The following IGF1R variants were observed in gnomAD, a reference collection of about 807,000 sequenced individuals.
IGF1R encodes the protein insulin-like growth factor 1 receptor.
In IGF1R, 44 loss-of-function variants were observed where a neutral mutation model predicts 144.6. The ratio of observed to expected loss-of-function variants is 0.30; its 90% CI spans 0.24 to 0.39. IGF1R has a LOEUF of 0.39. Among genes scored for constraint, IGF1R ranks in the 10% least tolerant of loss-of-function variants. The probability of loss-of-function intolerance (pLI) is 1.00; values close to 1 mark genes in which losing one functional copy is unlikely to be tolerated. For synonymous variants in IGF1R, 795 were observed against 722.8 expected, an observed-to-expected ratio of 1.10 and a Z score of -1.60; for missense variants, 1,355 against 1,833.7, an observed-to-expected ratio of 0.74 and a Z score of 4.77.
At chr15:98,835,077 C>T (rs2057069836) in intron 2 of IGF1R, among the ~76,000 whole-genome samples, 1 of 72,918 alleles carries the variant, frequency 1.4e-5, no homozygotes, top group Admixed American at 1.7e-4. Flanking sequence ...AGAACACCCC[C>T]CCTACACACA....
chr15:98,851,310 C>T (rs571734587), intron 2 of IGF1R, among the ~76,000 whole-genome samples: 5 of 152,276 alleles, frequency 3.3e-5, no homozygotes, highest in Admixed American at 1.3e-4. Context: ...CAGAGAGGCC[C>T]CCCAGGTGGC....
At chr15:98,835,080 T>TACACACACACACACACACACACACAC (rs34443123) in intron 2 of IGF1R, among the ~76,000 whole-genome samples, 2 of 130,440 alleles carry the variant, frequency 1.5e-5, no homozygotes, top group African/African-American at 6.5e-5. Flanking sequence ...ACACCCCCCC[T>TACACACACACACACACACACACACAC]ACACACACAC....
At chr15:98,695,056 G>T (rs1386267606) in intron 1 of IGF1R, among the ~76,000 whole-genome samples, 1 of 152,138 alleles carries the variant, frequency 6.6e-6, no homozygotes, top group Non-Finnish European at 1.5e-5. Context: ...GTTAGATTGT[G>T]TTTTCTGTCT....
chr15:98,898,678 C>A (rs139767871), intron 4 of IGF1R, among the ~76,000 whole-genome samples: 44 of 152,236 alleles, frequency 2.9e-4, no homozygotes, highest in African/African-American at 9.2e-4. Context: ...TCATAAATTA[C>A]GCACAGTAAA....
chr15:98,879,094 G>A (rs1053016275), intron 2 of IGF1R, among the ~76,000 whole-genome samples: 5 of 152,164 alleles, frequency 3.3e-5, no homozygotes, highest in East Asian at 1.9e-4. Context: ...CCAGAACGCC[G>A]AAGCAGGGCC....
At chr15:98,937,667 A>G (rs373500743) in intron 17 of IGF1R, among the ~76,000 whole-genome samples, 26 of 152,320 alleles carry the variant, frequency 1.7e-4, no homozygotes, top group Admixed American at 3.9e-4. Context: ...AGCTCTAACC[A>G]AATTAAAGGA....
At chr15:98,952,567 C>T (rs2016821688) in intron 20 of IGF1R, among the ~76,000 whole-genome samples, 1 of 152,152 alleles carries the variant, frequency 6.6e-6, no homozygotes, top group Non-Finnish European at 1.5e-5. Context: ...AGTTCTGCTT[C>T]TGTGGTTTAG....
At chr15:98,696,400 G>C (rs1332657305) in intron 1 of IGF1R, among the ~76,000 whole-genome samples, 1 of 151,982 alleles carries the variant, frequency 6.6e-6, no homozygotes, top group Non-Finnish European at 1.5e-5. Flanking sequence ...CACTTTGTAG[G>C]GTAAATTGAA....
At chr15:98,733,740 C>G (rs986406919) in intron 2 of IGF1R, among the ~76,000 whole-genome samples, 1 of 152,164 alleles carries the variant, frequency 6.6e-6, no homozygotes. Flanking sequence ...GAACATGGGA[C>G]TGTTTGCAAG....
At chr15:98,689,808 C>T (rs1000996138) in intron 1 of IGF1R, among the ~76,000 whole-genome samples, 4 of 152,106 alleles carry the variant, frequency 2.6e-5, no homozygotes, top group African/African-American at 9.7e-5. Context: ...GAGATACCAG[C>T]GTTTCAGCCA....
chr15:98,706,999 A>G lies in IGF1R; in HGVS notation c.95-563A>G, dbSNP rs76123744. Among the ~76,000 whole-genome samples, 827 of 152,228 alleles carry G rather than the reference A, an allele frequency of 5.4e-3. 9 individuals carry two copies. The highest frequency in any genetic ancestry group is 0.019 in the African/African-American group (780 of 41,518). On this transcript the variant is annotated intron_variant, in intron 1 of 20. Transcript: ENST00000650285. The stretch of plus-strand genomic sequence containing the variant: ...TGCACGTGTGGAGAGAACACAGTCT[A>G]CTCGGCTTATGTCAAATGGTAGTGG...
Position 98,649,505 on chromosome 15 carries a change from TC to T in IGF1R, c.-75del, listed in dbSNP as rs1312838112. 3 of 1,022,474 alleles carry T rather than the reference TC, an allele frequency of 2.9e-6. No homozygotes were observed. Among genetic ancestry groups the T allele is most frequent in the Non-Finnish European group, 4.4e-6 (3 of 679,406 alleles). 63.3% of individuals were successfully genotyped at this position (1,022,474 alleles called of 1,614,324 possible). On this transcript the variant is annotated 5_prime_UTR_variant, in exon 1 of 21. Coordinates refer to ENST00000650285, the MANE Select transcript of IGF1R (RefSeq NM_000875.5). ...AGTTTGAGACTTGTTTCCTTTCATT[TC>T]CTTTTTTTCTTTTCTTTTCTTTTTT...
At chr15:98,789,651 C>G (rs80176868) in intron 2 of IGF1R, among the ~76,000 whole-genome samples, 1,732 of 152,260 alleles carry the variant, frequency 0.011, 36 homozygotes, top group African/African-American at 0.039. Flanking sequence ...GGCCACGCAG[C>G]TTTTTCTTTG....
Position 98,962,753 on chromosome 15 carries a change from G to A in IGF1R, c.*5311G>A, listed in dbSNP as rs2017274894. The A allele has an allele frequency of 4.3e-6, 1 of 233,416 alleles. No homozygotes were observed. The allele number at this position is 233,416 out of a possible 1,614,324, so 14.5% of individuals were successfully genotyped here. ...AACTTGATTGTTCTTGAAGCTATCA[G>A]ACCACATCGAGGCTCAGCAGTCATC... On this transcript the variant is annotated 3_prime_UTR_variant, in exon 21 of 21. Transcript: ENST00000650285.
intron 2 of IGF1R, among the ~76,000 whole-genome samples, chr15:98,845,548 C>T (rs2141543016): frequency 6.8e-6 from 1 of 146,338 alleles, no homozygotes; most frequent in East Asian, 2.0e-4. Context: ...CCTCCTCCCC[C>T]TCCTCTCTCC....
chr15:98,690,839 G>T (rs1262093854), intron 1 of IGF1R, among the ~76,000 whole-genome samples: 1 of 152,150 alleles, frequency 6.6e-6, no homozygotes, highest in African/African-American at 2.4e-5. Flanking sequence ...AGGGTGGGGC[G>T]GTGTTGGCGG....
intron 1 of IGF1R, among the ~76,000 whole-genome samples, chr15:98,651,699 G>A (rs1224930494): frequency 6.6e-6 from 1 of 152,184 alleles, no homozygotes; most frequent in Non-Finnish European, 1.5e-5. Context: ...TGAGAACACA[G>A]GCAGGAGGGA....
At chr15:98,768,964 T>G in intron 2 of IGF1R, among the ~76,000 whole-genome samples, 1 of 148,026 alleles carries the variant, frequency 6.8e-6, no homozygotes, top group African/African-American at 2.6e-5. Context: ...CAACAACACC[T>G]CACAACCCTG....
At chr15:98,778,904 A>T (rs983100046) in intron 2 of IGF1R, among the ~76,000 whole-genome samples, 1 of 152,212 alleles carries the variant, frequency 6.6e-6, no homozygotes, top group African/African-American at 2.4e-5. Context: ...AAACAATGGA[A>T]AAACCCACCA....
Sources: allele counts gnomAD v4.1 joint callset (sites outside exome capture counted in the v4.1 genomes callset), GRCh38; gene constraint gnomAD v4.1.1; transcripts MANE v1.5; gene names NCBI Gene and HGNC (gene_info 2026-07-23, HGNC 2026-07-21).